Variants in SP7 observed in about 807,000 individuals in gnomAD.
The protein encoded by SP7 is transcription factor Sp7.
In SP7, 13 loss-of-function variants were observed where a neutral mutation model predicts 27.9. That is an observed-to-expected ratio of 0.47 (90% CI 0.30 to 0.74). SP7 has a LOEUF of 0.74. Among genes scored for constraint, SP7 ranks in the 30% least tolerant of loss-of-function variants. The pLI is 0.06. For synonymous variants in SP7, 219 were observed against 226.7 expected, an observed-to-expected ratio of 0.97 and a Z score of 0.31; for missense variants, 525 against 558.0, an observed-to-expected ratio of 0.94 and a Z score of 0.60.
rs376163810 is a variant in SP7, at chr12:53,328,753, T to C, written c.689A>G (p.Lys230Arg). The C allele has an allele frequency of 5.3e-5, 85 of 1,605,408 alleles. No individual in the cohort carries two copies. The highest frequency in any genetic ancestry group is 7.2e-5 in the Non-Finnish European group (84 of 1,173,726). ...PQHVLPQDVY[K>R]PKAVGNSGQL... ...CCCACTATTTCCCACTGCCTTGGGT[T>C]TATAGACATCTTGGGGCAAGACATG... is the stretch of plus-strand genomic sequence containing the variant. Residue 230 changes from lysine to arginine, a missense_variant, in exon 3 of 3, where the codon AAA (lysine) becomes AGA (arginine). By Grantham distance (26) the Lys-to-Arg change is conservative. Coordinates refer to ENST00000536324, the MANE Select transcript of SP7 (RefSeq NM_001173467.3). The surrounding 1 kb of genome is among the most constrained non-coding windows in gnomAD (Gnocchi z 5.1).
chr12:53,335,317 A>C (rs932403694), intron 2 of SP7, among the ~76,000 whole-genome samples: 5 of 109,016 alleles, frequency 4.6e-5, no homozygotes, highest in Non-Finnish European at 3.6e-5. Context: ...TCCTTTCTCC[A>C]TCGCTTTTCC....
rs749831565 is a variant in SP7, at chr12:53,329,436, C to T, written c.22-16G>A. ...GAACTTCCTCCTGTGGAAAGAGGGA[C>T]GCACTGCTTAGGGAGAGGGGAGGAG... On this transcript the variant is annotated splice_polypyrimidine_tract_variant and intron_variant, in intron 2 of 2. Coordinates refer to ENST00000536324, the MANE Select transcript of SP7 (RefSeq NM_001173467.3). The T allele has an allele frequency of 1.6e-5, 26 of 1,612,232 alleles. No homozygotes were observed. In the South Asian group the frequency reaches 1.8e-4, roughly 11 times the overall value.
In SP7 at chr12:53,344,056, A is replaced by T. The variant is rs12424778; in HGVS notation, c.-34+1058T>A. Among the ~76,000 whole-genome samples, 105,947 of 151,658 alleles carry T rather than the reference A, an allele frequency of 0.7. 37,754 individuals are homozygous for T. The highest frequency in any genetic ancestry group is 1 in the East Asian group (5,135 of 5,154). Reference sequence around the variant, plus strand: ...GAGCCAGACTCTGTCTCAAGAAAAAAAAAAATAAAAAAATAAGTCAATGAA... The same window carrying T: ...GAGCCAGACTCTGTCTCAAGAAAAATAAAAATAAAAAAATAAGTCAATGAA... On this transcript the variant is annotated intron_variant, in intron 1 of 1. Transcript: ENST00000547755. This position sits in a 1 kb window ranked among gnomAD's most constrained non-coding sequence, Gnocchi z 4.6.
At chr12:53,332,480 A>G (rs1944716106) in intron 2 of SP7, among the ~76,000 whole-genome samples, 2 of 152,138 alleles carry the variant, frequency 1.3e-5, no homozygotes, top group African/African-American at 4.8e-5. Context: ...CAGGAGGCTG[A>G]GATGGGAAGC....
At chr12:53,329,583 G>A (rs1944680519) in intron 2 of SP7, among the ~76,000 whole-genome samples, 163 bp from the exon 3 acceptor site, 1 of 152,150 alleles carries the variant, frequency 6.6e-6, no homozygotes, top group Non-Finnish European at 1.5e-5. Context: ...TAGCCAGTGA[G>A]GGCTGGACCT....
intron 1 of SP7, among the ~76,000 whole-genome samples, chr12:53,343,973 GGGAGGCGGA>G (rs903421460): frequency 1.5e-4 from 23 of 152,252 alleles, no homozygotes; most frequent in African/African-American, 5.1e-4. Context: ...TCTTGAGCCT[GGGAGGCGGA>G]GGTTGCAGTG....
rs763493528 is a variant in SP7 at position 53,328,219 on chromosome 12, G to A, written c.1223C>T (p.Pro408Leu). ...GEEEASQTPR[P>L]SASPATPEKA... ...CTCTGGGGTTGCTGGCGAGGCAGAA[G>A]GTCGGGGCGTCTGACTGGCCTCCTC... Residue 408 changes from proline to leucine, a missense_variant, in exon 3 of 3, where the codon CCT (proline) becomes CTT (leucine). Transcript: ENST00000536324. The surrounding 1 kb of genome is among the most constrained non-coding windows in gnomAD (Gnocchi z 5.1). 16 of 1,613,154 alleles carry A rather than the reference G, an allele frequency of 9.9e-6. No homozygotes were observed. Among genetic ancestry groups the A allele is most frequent in the African/African-American group, 1.3e-5 (1 of 74,906 alleles).
chr12:53,332,319 A>C (rs1592533312), intron 2 of SP7, among the ~76,000 whole-genome samples: 1 of 152,332 alleles, frequency 6.6e-6, no homozygotes, highest in Admixed American at 6.5e-5. Context: ...AGAAATAGCT[A>C]TAATTCCAGC....
rs1944849253 is a variant in SP7, at chr12:53,344,750, C to T, written c.-34+364G>A. ...GCTGGGAGGTCTCTTGCGGCCTAGG[C>T]CAGGCTCAGGGCCGCCGGGGATCTC... On this transcript the variant is annotated intron_variant, in intron 1 of 1. Coordinates refer to the SP7 transcript ENST00000547755. The surrounding 1 kb of genome is among the most constrained non-coding windows in gnomAD (Gnocchi z 4.6). Among the ~76,000 whole-genome samples the T allele has an allele frequency of 6.6e-6, 1 of 152,118 alleles. No homozygotes were observed. The highest frequency in any genetic ancestry group is 1.5e-5 in the Non-Finnish European group (1 of 67,988).
rs1459637779 is a variant in SP7, at chr12:53,329,285, C to T, written c.157G>A (p.Asp53Asn). 2 of 1,613,874 alleles carry T rather than the reference C, an allele frequency of 1.2e-6. No individual in the cohort carries two copies. The highest frequency in any genetic ancestry group is 1.7e-6 in the Non-Finnish European group (2 of 1,179,890). The change falls in exon 3 of 3, where the codon GAC becomes AAC. Residue 53 changes from aspartate to asparagine, a missense_variant. Physicochemically the swap from Asp to Asn is conservative, Grantham distance 23. Transcript: ENST00000536324. ...GTKKPYSVGSDLSASKTMGDA... is the reference protein window; with the variant it reads ...GTKKPYSVGSNLSASKTMGDA... Reference sequence around the variant, plus strand: ...CCCATGGTTTTGGAGGCTGAAAGGTCACTGCCCACAGAGTACGGCTTCTTT... The same window carrying T: ...CCCATGGTTTTGGAGGCTGAAAGGTTACTGCCCACAGAGTACGGCTTCTTT...
In SP7 at chr12:53,341,389, A is replaced by C. The variant is rs573834017; in HGVS notation, c.-34+3725T>G. On this transcript the variant is annotated intron_variant, in intron 1 of 1. Transcript: ENST00000547755. ...TCTGGATGGCAGGGGACAAAGTGAA[A>C]AATGAAAGGAAGAGGAAGACTGGGG... Among the ~76,000 whole-genome samples the C allele has an allele frequency of 2.0e-5, 3 of 152,350 alleles. No homozygotes were observed. The East Asian group carries it at 5.8e-4, about 29-fold the overall frequency.
chr12:53,340,521 G>T (rs1301202792), upstream of SP7, among the ~76,000 whole-genome samples: 1 of 152,132 alleles, frequency 6.6e-6, no homozygotes, highest in Non-Finnish European at 1.5e-5. Flanking sequence ...CGAACTCCCT[G>T]GTCCTGGGGA....
intron 2 of SP7, among the ~76,000 whole-genome samples, chr12:53,332,399 GA>G (rs1944715433): frequency 6.6e-6 from 1 of 152,012 alleles, no homozygotes; most frequent in Non-Finnish European, 1.5e-5. Flanking sequence ...GCAACATAGT[GA>G]AACCCCATTT....
At chr12:53,329,451 G>A in intron 2 of SP7, 31 bp from the exon 3 acceptor site, 1 of 1,592,108 alleles carries the variant, frequency 6.3e-7, no homozygotes, top group Non-Finnish European at 8.6e-7. Flanking sequence ...TGCTTAGGGA[G>A]AGGGGAGGAG....
In SP7 at chr12:53,327,232, TC is replaced by T. The variant is rs1455256650; in HGVS notation, c.*913del. ...TGGCTGGGGCTGGGGATATTAGGGA[TC>T]CCCCTAATCAAGAGATACCCCATCA... On this transcript the variant is annotated 3_prime_UTR_variant, in exon 3 of 3. Transcript: ENST00000536324. 6.6e-6 allele frequency: 1 copy of T among 152,450 alleles called. No individual in the cohort carries two copies. Among genetic ancestry groups the T allele is most frequent in the South Asian group, 2.1e-4 (1 of 4,806 alleles). The allele number at this position is 152,450 out of a possible 1,614,324, so 9.4% of individuals were successfully genotyped here.
intron 2 of SP7, among the ~76,000 whole-genome samples, chr12:53,333,408 T>C (rs1015610627): frequency 2.0e-5 from 3 of 152,060 alleles, no homozygotes; most frequent in South Asian, 2.1e-4. Flanking sequence ...AAGAACAAGA[T>C]AGGAGCTGTC....
At chr12:53,330,311 C>G (rs1247744076) in intron 2 of SP7, among the ~76,000 whole-genome samples, 1 of 152,152 alleles carries the variant, frequency 6.6e-6, no homozygotes, top group Non-Finnish European at 1.5e-5. Flanking sequence ...CCTCAACCTC[C>G]CAAAGTGTTG....
At chr12:53,340,349 C>T (rs1221337275), upstream of SP7, among the ~76,000 whole-genome samples, 1 of 152,120 alleles carries the variant, frequency 6.6e-6, no homozygotes, top group African/African-American at 2.4e-5. Context: ...AACCCCTCTC[C>T]CTATAAGGAT....
intron 1 of SP7, among the ~76,000 whole-genome samples, chr12:53,343,307 T>G (rs1465238000): frequency 1.3e-5 from 2 of 151,686 alleles, no homozygotes; most frequent in Admixed American, 1.3e-4. Context: ...CAACACAGAG[T>G]GGAGGCTGAT....
Sources: gnomAD v4.1 joint callset for allele counts (sites outside exome capture counted in the v4.1 genomes callset) on GRCh38, gnomAD v4.1.1 for gene constraint, Gnocchi (gnomAD v3.1) non-coding constraint, MANE v1.5 for transcripts, NCBI Gene and HGNC (gene_info 2026-07-23, HGNC 2026-07-21) for gene names.